The following MYO6 variants were observed in gnomAD, a reference collection of about 807,000 sequenced individuals.
The protein encoded by MYO6 is myosin VI.
A neutral mutation model predicts 178.7 loss-of-function variants in MYO6; 74 were observed. That is an observed-to-expected ratio of 0.41 (90% CI 0.34 to 0.50). The LOEUF (loss-of-function observed/expected upper bound fraction) is 0.50. MYO6 is among the 20% of genes least tolerant of loss of function. The probability of loss-of-function intolerance (pLI) is 0.09; values close to 1 mark genes in which losing one functional copy is unlikely to be tolerated. For missense variants in MYO6, 1,330 were observed against 1,547.4 expected, an observed-to-expected ratio of 0.86 and a Z score of 2.36; for synonymous variants, 477 against 504.6, an observed-to-expected ratio of 0.95 and a Z score of 0.73.
At chr6:75,773,311 C>CATCG (rs1485880120) in intron 1 of MYO6, among the ~76,000 whole-genome samples, 2 of 152,060 alleles carry the variant, frequency 1.3e-5, no homozygotes, top group Non-Finnish European at 2.9e-5. Flanking sequence ...GCAGCTGAAC[C>CATCG]ATTGTGGAGA....
chr6:75,845,450 T>G (rs1235230129), intron 10 of MYO6, among the ~76,000 whole-genome samples: 1 of 152,152 alleles, frequency 6.6e-6, no homozygotes, highest in Admixed American at 6.5e-5. Flanking sequence ...CCCAGCACTT[T>G]GGGAGGCCAA....
At chr6:75,750,277 A>G (rs1341226627) in intron 1 of MYO6, among the ~76,000 whole-genome samples, 2 of 151,862 alleles carry the variant, frequency 1.3e-5, no homozygotes, top group African/African-American at 2.4e-5. Context: ...TTGTATTTTT[A>G]GTAGAGACGG....
intron 1 of MYO6, among the ~76,000 whole-genome samples, chr6:75,755,105 C>T (rs971215175): frequency 4.6e-5 from 7 of 152,010 alleles, no homozygotes; most frequent in Non-Finnish European, 7.4e-5. Context: ...TGGTGGTGCA[C>T]GCCTATAGTG....
At chr6:75,768,323 ATTCATTTTAT>A (rs1562129648) in intron 1 of MYO6, among the ~76,000 whole-genome samples, 1 of 149,880 alleles carries the variant, frequency 6.7e-6, no homozygotes, top group Non-Finnish European at 1.5e-5. Flanking sequence ...AGTGTAAATA[ATTCATTTTAT>A]TTTATTTTAT....
At chr6:75,823,223 G>A (rs1772085908) in intron 3 of MYO6, among the ~76,000 whole-genome samples, 1 of 152,108 alleles carries the variant, frequency 6.6e-6, no homozygotes, top group Admixed American at 6.5e-5. Flanking sequence ...GTCAGTAGGA[G>A]TCATTTAACA....
At chr6:75,809,907 A>C (rs556272693) in intron 1 of MYO6, among the ~76,000 whole-genome samples, 63 of 150,096 alleles carry the variant, frequency 4.2e-4, no homozygotes, top group African/African-American at 1.5e-3. Context: ...TGCTAAAAAA[A>C]AAAAAAAAAC....
At chr6:75,779,613 A>G (rs1156455204) in intron 1 of MYO6, among the ~76,000 whole-genome samples, 1 of 152,188 alleles carries the variant, frequency 6.6e-6, no homozygotes, top group Non-Finnish European at 1.5e-5. Context: ...TTATTGTAAT[A>G]TGTCATTTTC....
chr6:75,793,447 T>C (rs1481632026), intron 1 of MYO6, among the ~76,000 whole-genome samples: 7 of 151,854 alleles, frequency 4.6e-5, no homozygotes, highest in Admixed American at 3.3e-4. Context: ...CTACTAAAAA[T>C]ACAAAAATTA....
At chr6:75,789,550 C>A (rs890506792) in intron 1 of MYO6, among the ~76,000 whole-genome samples, 11 of 151,820 alleles carry the variant, frequency 7.2e-5, no homozygotes, top group African/African-American at 2.7e-4. Flanking sequence ...TTTTCACCTG[C>A]CCCTCCCTCT....
At chr6:75,893,527 G>A (rs2149376436) in intron 28 of MYO6, among the ~76,000 whole-genome samples, 1 of 152,208 alleles carries the variant, frequency 6.6e-6, no homozygotes. Context: ...ATGTTTCCTT[G>A]TGAAAGGATC....
intron 1 of MYO6, among the ~76,000 whole-genome samples, chr6:75,756,956 T>C (rs1402921713): frequency 3.3e-5 from 1 of 30,728 alleles, no homozygotes; most frequent in East Asian, 6.3e-4. Context: ...TATGTGTATA[T>C]ATGTATACAC....
chr6:75,787,430 A>G (rs1767680777), intron 1 of MYO6, among the ~76,000 whole-genome samples: 1 of 152,108 alleles, frequency 6.6e-6, no homozygotes, highest in South Asian at 2.1e-4. Context: ...ACTGACAGCC[A>G]CAACAACATG....
intron 1 of MYO6, among the ~76,000 whole-genome samples, chr6:75,804,559 C>T (rs548101906): frequency 3.3e-5 from 5 of 151,226 alleles, no homozygotes; most frequent in Admixed American, 6.6e-5. Flanking sequence ...TTTGCCAATT[C>T]TGTTTACTCT....
At chr6:75,831,473 G>A (rs985553444) in intron 5 of MYO6, among the ~76,000 whole-genome samples, 2 of 152,174 alleles carry the variant, frequency 1.3e-5, no homozygotes, top group East Asian at 1.9e-4. Flanking sequence ...CCTGCAAAAC[G>A]GTGCCCCATC....
chr6:75,862,469 C>T lies in MYO6; in HGVS notation c.1547-127C>T, dbSNP rs572257074. ...CAGCTCTCTATAACTTTTGAGAGAA[C>T]ACATATAGAATCACATGCTATGTTG... On this transcript the variant is annotated intron_variant, in intron 15 of 34. Transcript: ENST00000369977. 3.9e-5 allele frequency: 33 copies of T among 849,418 alleles called. No individual in the cohort carries two copies. In the East Asian group the frequency reaches 7.2e-4, roughly 19 times the overall value. The allele number at this position is 849,418 out of a possible 1,614,324, so 52.6% of individuals were successfully genotyped here. A position where few individuals can be genotyped will look rare whatever the true frequency, so the allele number is the denominator to read the frequency against.
chr6:75,879,933 C>G lies in MYO6; in HGVS notation c.2191C>G (p.Pro731Ala). The G allele has an allele frequency of 1.2e-6, 2 of 1,614,048 alleles. No individual in the cohort carries two copies. The highest frequency in any genetic ancestry group is 1.7e-6 in the Non-Finnish European group (2 of 1,180,000). Reference sequence around the variant, plus strand: ...GCCAGATAAACTTGCAAGATTGGATCCAAGACTATTTTGTAAGGTATAAAT... The same window carrying G: ...GCCAGATAAACTTGCAAGATTGGATGCAAGACTATTTTGTAAGGTATAAAT... Reference protein sequence around the residue: ...YMPDKLARLDPRLFCKALFKA... With the variant: ...YMPDKLARLDARLFCKALFKA... The change falls in exon 21 of 35, where the codon CCA becomes GCA. Residue 731 changes from proline to alanine, a missense_variant. Around this residue, in one of 3 missense-constraint regions of MYO6, gnomAD observed 613 missense variants for 816.8 expected, o/e 0.75. Coordinates refer to ENST00000369977, the MANE Select transcript of MYO6 (RefSeq NM_004999.4).
At chr6:75,868,641 G>A (rs1040412518) in intron 18 of MYO6, among the ~76,000 whole-genome samples, 2 of 151,986 alleles carry the variant, frequency 1.3e-5, no homozygotes, top group African/African-American at 4.8e-5. Context: ...TTTTCTCTGA[G>A]ATACCTTGAA....
intron 4 of MYO6, among the ~76,000 whole-genome samples, chr6:75,829,837 CAT>C (rs1326272288): frequency 5.3e-5 from 8 of 152,080 alleles, no homozygotes; most frequent in Non-Finnish European, 4.4e-5. Context: ...CAATGGTTAA[CAT>C]ATATTGTTTG....
chr6:75,911,807 G>A, intron 33 of MYO6, 109 bp downstream of exon 33: 2 of 1,057,372 alleles, frequency 1.9e-6, no homozygotes, highest in Non-Finnish European at 2.9e-6. Context: ...CAGTGGAATT[G>A]TAGTGTGTTA....
Sources: gnomAD v4.1 joint callset for allele counts (sites outside exome capture counted in the v4.1 genomes callset) on GRCh38, gnomAD v4.1.1 for gene constraint, gnomAD v4.1.1 regional missense constraint, MANE v1.5 for transcripts, NCBI Gene and HGNC (gene_info 2026-07-23, HGNC 2026-07-21) for gene names.